AMBRA1: variants seen among roughly 807,000 people sequenced by gnomAD.
The protein encoded by AMBRA1 is autophagy and beclin 1 regulator 1.
AMBRA1 carries 47 observed loss-of-function variants against 125.4 expected under a neutral mutation model. The observed-to-expected ratio is 0.37, with a 90% CI of 0.30 to 0.48. AMBRA1 has a LOEUF of 0.48. AMBRA1 is among the 20% of genes least tolerant of loss of function. The pLI, the probability that AMBRA1 is intolerant of heterozygous loss-of-function variation, is 0.99. For synonymous variants in AMBRA1, 626 were observed against 655.5 expected (o/e 0.95, Z 0.69); for missense variants, 1,331 against 1,693.4 (o/e 0.79, Z 3.76).
chr11:46,424,823 T>A (rs1321179227), intron 14 of AMBRA1, among the ~76,000 whole-genome samples: 1 of 151,814 alleles, frequency 6.6e-6, no homozygotes, highest in Non-Finnish European at 1.5e-5. Context: ...GTGGGTGAGA[T>A]CCTGTGTCTT....
At chr11:46,483,547 T>C (rs1950154208) in intron 11 of AMBRA1, among the ~76,000 whole-genome samples, 1 of 152,198 alleles carries the variant, frequency 6.6e-6, no homozygotes, top group Non-Finnish European at 1.5e-5. Flanking sequence ...TAAACGAGGC[T>C]GCTTGGAGAT....
chr11:46,506,017 G>T (rs1951024105), intron 9 of AMBRA1, among the ~76,000 whole-genome samples: 1 of 152,146 alleles, frequency 6.6e-6, no homozygotes, highest in African/African-American at 2.4e-5. Flanking sequence ...CTTTTCAGCA[G>T]CACTAAGTGC....
chr11:46,572,010 G>C (rs1297443962), intron 1 of AMBRA1, among the ~76,000 whole-genome samples: 1 of 152,080 alleles, frequency 6.6e-6, no homozygotes, highest in Admixed American at 6.6e-5. Context: ...ATCTTAAAAA[G>C]TTAGATTCAC....
intron 1 of AMBRA1, among the ~76,000 whole-genome samples, chr11:46,590,270 G>A (rs772675416): frequency 6.6e-6 from 1 of 151,816 alleles, no homozygotes; most frequent in Non-Finnish European, 1.5e-5. Context: ...AACCCAGGAG[G>A]CAGAGGCTGC....
intron 3 of AMBRA1, 117 bp from the exon 4 acceptor site, chr11:46,547,413 T>A: frequency 1.1e-6 from 1 of 902,778 alleles, no homozygotes; most frequent in Non-Finnish European, 1.7e-6. Flanking sequence ...TGAAAGAAAC[T>A]AAGCTTTGTA....
At chr11:46,405,537 G>A (rs965464741) in intron 17 of AMBRA1, among the ~76,000 whole-genome samples, 1 of 151,860 alleles carries the variant, frequency 6.6e-6, no homozygotes, top group Admixed American at 6.6e-5. Flanking sequence ...CAGGCAACAC[G>A]GTGAGACCCT....
chr11:46,593,750 C>G (rs1282971699), intron 1 of AMBRA1, 78 bp downstream of exon 1: 2 of 389,238 alleles, frequency 5.1e-6, no homozygotes, highest in East Asian at 3.6e-5. Flanking sequence ...AGCCTGCCCA[C>G]CCGCCGGCGC....
chr11:46,569,444 T>A (rs866579021), intron 1 of AMBRA1, among the ~76,000 whole-genome samples: 19,198 of 131,022 alleles, frequency 0.15, 1,493 homozygotes, highest in African/African-American at 0.23. Context: ...AAAAAAAATA[T>A]ATATATATAT....
intron 11 of AMBRA1, among the ~76,000 whole-genome samples, chr11:46,488,989 G>C (rs972097502): frequency 1.3e-5 from 2 of 152,068 alleles, no homozygotes; most frequent in African/African-American, 4.8e-5. Context: ...TGCAAGCTCC[G>C]CCTCCCAGGT....
Position 46,437,370 on chromosome 11 carries a change from T to C in AMBRA1, c.2633-2333A>G, listed in dbSNP as rs558412954. 2.0e-5 allele frequency among the ~76,000 whole-genome samples: 3 copies of C among 152,364 alleles called. No individual in the cohort carries two copies. The South Asian group carries it at 6.2e-4, about 32-fold the overall frequency. On this transcript the variant is annotated intron_variant, in intron 12 of 17. Coordinates refer to ENST00000683756, the MANE Select transcript of AMBRA1 (RefSeq NM_001387011.1). ...CAACTTCATAACTCTTCCTGGCTAC[T>C]GCAATGAGCTCACAGAGATATGCAA... is the stretch of plus-strand genomic sequence containing the variant.
At chr11:46,430,461 A>C (rs1308541354) in intron 14 of AMBRA1, among the ~76,000 whole-genome samples, 1 of 152,220 alleles carries the variant, frequency 6.6e-6, no homozygotes, top group Non-Finnish European at 1.5e-5. Context: ...TTAGGTCTGA[A>C]ATGGATCTGT....
At chr11:46,516,943 GA>G (rs551722394) in intron 7 of AMBRA1, among the ~76,000 whole-genome samples, 48 of 147,744 alleles carry the variant, frequency 3.2e-4, no homozygotes, top group African/African-American at 8.9e-4. Flanking sequence ...TGAAGCTGAA[GA>G]AAAAAAAAAT....
chr11:46,509,430 T>C (rs984771123), intron 8 of AMBRA1, among the ~76,000 whole-genome samples: 6 of 152,316 alleles, frequency 3.9e-5, no homozygotes, highest in Admixed American at 6.5e-5. Context: ...CCAGGCACAC[T>C]TGACTCAATA....
At position 46,486,952 on chromosome 11, in the gene AMBRA1, A is replaced by AATAAATACATAC. The variant is rs1554984723; in HGVS notation, c.2521+6655_2521+6656insGTATGTATTTAT. ...AAATAAATAAATAAATAAATAAATAAATACAAATAAAAGAGATGAGAGGGG... is the reference window on the plus strand; with the variant it reads ...AAATAAATAAATAAATAAATAAATAAATAAATACATACATACAAATAAAAGAGATGAGAGGGG... On this transcript the variant is annotated intron_variant, in intron 11 of 17. Transcript: ENST00000683756. Among the ~76,000 whole-genome samples the AATAAATACATAC allele has an allele frequency of 2.2e-5, 3 of 138,322 alleles. No individual in the cohort carries two copies. In the East Asian group the frequency reaches 6.2e-4, roughly 28 times the overall value. The allele number at this position is 138,322 out of a possible 152,430, so 90.7% of individuals were successfully genotyped here.
chr11:46,569,441 A>ATG (rs2043675414), intron 1 of AMBRA1, among the ~76,000 whole-genome samples: 1 of 119,550 alleles, frequency 8.4e-6, no homozygotes, highest in African/African-American at 3.4e-5. Flanking sequence ...AAAAAAAAAA[A>ATG]TATATATATA....
intron 14 of AMBRA1, among the ~76,000 whole-genome samples, chr11:46,422,051 C>G (rs1304326280): frequency 1.3e-5 from 2 of 152,192 alleles, no homozygotes; most frequent in Non-Finnish European, 2.9e-5. Context: ...GAACACCCAC[C>G]CTGTCCCCCA....
intron 7 of AMBRA1, among the ~76,000 whole-genome samples, chr11:46,534,185 C>T (rs1205537802): frequency 6.7e-6 from 1 of 149,496 alleles, no homozygotes; most frequent in Non-Finnish European, 1.5e-5. Flanking sequence ...AGAATTATTG[C>T]TGGCATTTAA....
intron 14 of AMBRA1, among the ~76,000 whole-genome samples, chr11:46,421,884 CA>C: frequency 6.6e-6 from 1 of 152,242 alleles, no homozygotes; most frequent in South Asian, 2.1e-4. Context: ...TCTGTAAACC[CA>C]AAGGTCATCA....
chr11:46,562,410 T>C (rs890708171), intron 1 of AMBRA1, among the ~76,000 whole-genome samples: 11 of 152,184 alleles, frequency 7.2e-5, no homozygotes, highest in African/African-American at 2.7e-4. Flanking sequence ...TGGGTTACTA[T>C]TAGAGGATTT....
Sources: gnomAD v4.1 joint callset for allele counts (sites outside exome capture counted in the v4.1 genomes callset) on GRCh38, gnomAD v4.1.1 for gene constraint, MANE v1.5 for transcripts, NCBI Gene and HGNC (gene_info 2026-07-23, HGNC 2026-07-21) for gene names.